Variants in NRXN1 observed in about 807,000 individuals in gnomAD.
NRXN1 encodes the protein neurexin-1.
A neutral mutation model predicts 150.9 loss-of-function variants in NRXN1; 39 were observed. That is an observed-to-expected ratio of 0.26 (90% CI 0.20 to 0.34). NRXN1 has a LOEUF of 0.34. Among genes scored for constraint, NRXN1 ranks in the 10% least tolerant of loss-of-function variants. The pLI is 1.00. For missense variants in NRXN1, 1,815 were observed against 1,949.9 expected, an observed-to-expected ratio of 0.93 and a Z score of 1.30; for synonymous variants, 924 against 757.0, an observed-to-expected ratio of 1.22 and a Z score of -3.62.
chr2:49,986,350 A>C (rs928312966), intron 21 of NRXN1, among the ~76,000 whole-genome samples: 1 of 152,248 alleles, frequency 6.6e-6, no homozygotes, highest in African/African-American at 2.4e-5. Flanking sequence ...TAAATATTTA[A>C]CTGATTTAAA....
At chr2:50,852,654 T>A (rs1674688236) in intron 5 of NRXN1, among the ~76,000 whole-genome samples, 1 of 152,180 alleles carries the variant, frequency 6.6e-6, no homozygotes, top group African/African-American at 2.4e-5. Flanking sequence ...TCAAATTTAA[T>A]TTCTCATTCA....
intron 8 of NRXN1, among the ~76,000 whole-genome samples, chr2:50,598,329 TTTG>T (rs1356408102): frequency 6.6e-6 from 1 of 152,096 alleles, no homozygotes; most frequent in Non-Finnish European, 1.5e-5. Context: ...AGTTTGCATC[TTTG>T]TTCAGTCTCT....
chr2:50,152,413 T>C (rs1221293811), intron 18 of NRXN1, among the ~76,000 whole-genome samples: 7 of 151,778 alleles, frequency 4.6e-5, no homozygotes, highest in African/African-American at 2.4e-5. Context: ...TTCCATTGTA[T>C]GTATACAGTA....
At chr2:50,499,547 C>CAA (rs200741048) in intron 13 of NRXN1, among the ~76,000 whole-genome samples, 3,760 of 152,206 alleles carry the variant, frequency 0.025, 61 homozygotes, top group Non-Finnish European at 0.037. Flanking sequence ...TGGGGATCTA[C>CAA]TTCTTTGGTA....
chr2:50,416,281 A>G (rs1915170), intron 17 of NRXN1, among the ~76,000 whole-genome samples: 34,059 of 151,938 alleles, frequency 0.22, 4,842 homozygotes, highest in African/African-American at 0.38. Flanking sequence ...AATAAAATAT[A>G]CCAAGAAAGG....
rs35059030 is a variant in NRXN1, at chr2:50,762,122, T to TACAC, written c.833-138511_833-138508dup. On this transcript the variant is annotated intron_variant, in intron 5 of 22. Coordinates refer to ENST00000401669, the MANE Select transcript of NRXN1 (RefSeq NM_001330078.2). ...AAACTCATATATATATATATGTGTA[T>TACAC]ACACACACACACACACACACACACA... Among the ~76,000 whole-genome samples the TACAC allele has an allele frequency of 6.4e-3, 940 of 145,942 alleles. 3 individuals are homozygous for TACAC. Among genetic ancestry groups the TACAC allele is most frequent in the East Asian group, 0.026 (125 of 4,820 alleles).
chr2:50,270,029 A>G (rs1487406512), intron 17 of NRXN1, among the ~76,000 whole-genome samples: 1 of 152,212 alleles, frequency 6.6e-6, no homozygotes, highest in Non-Finnish European at 1.5e-5. Flanking sequence ...TATCTGCATG[A>G]TAACTATCCC....
At chr2:51,012,909 C>G (rs1230748727) in intron 2 of NRXN1, among the ~76,000 whole-genome samples, 1 of 151,736 alleles carries the variant, frequency 6.6e-6, no homozygotes, top group East Asian at 1.9e-4. Context: ...ATTTTTCTGC[C>G]CTCTAATCTC....
At chr2:50,341,397 T>TA (rs71904122) in intron 17 of NRXN1, among the ~76,000 whole-genome samples, 21,581 of 145,028 alleles carry the variant, frequency 0.15, 1,671 homozygotes, top group African/African-American at 0.2. Context: ...AAGTATTTCT[T>TA]AAAAAAAAAA....
intron 5 of NRXN1, among the ~76,000 whole-genome samples, chr2:50,831,952 A>C (rs1383886281): frequency 6.6e-6 from 1 of 152,206 alleles, no homozygotes; most frequent in African/African-American, 2.4e-5. Context: ...GCGGGCAAGC[A>C]AAAAAGAGCA....
At chr2:50,504,140 T>TAAAAAAAAAAAAA (rs70948715) in intron 13 of NRXN1, among the ~76,000 whole-genome samples, 16 of 112,404 alleles carry the variant, frequency 1.4e-4, no homozygotes, top group African/African-American at 4.4e-4. Context: ...ACATGACAAC[T>TAAAAAAAAAAAAA]AAAAAAAAAA....
chr2:50,850,697 A>G (rs1434801002), intron 5 of NRXN1, among the ~76,000 whole-genome samples: 2 of 152,102 alleles, frequency 1.3e-5, no homozygotes, highest in African/African-American at 4.8e-5. Flanking sequence ...TAAGTAAACT[A>G]GTTCACATTC....
At chr2:51,015,706 A>G (rs1668562247) in intron 2 of NRXN1, among the ~76,000 whole-genome samples, 1 of 152,108 alleles carries the variant, frequency 6.6e-6, no homozygotes, top group Non-Finnish European at 1.5e-5. Context: ...ACATTGTGAT[A>G]GAAGAAAGAC....
chr2:50,212,069 G>A (rs1034968206), intron 18 of NRXN1, among the ~76,000 whole-genome samples: 2 of 150,444 alleles, frequency 1.3e-5, no homozygotes, highest in African/African-American at 4.8e-5. Context: ...CACTATTAAA[G>A]TTTCCTGTCC....
intron 17 of NRXN1, among the ~76,000 whole-genome samples, chr2:50,465,079 C>T (rs567539990): frequency 1.2e-4 from 18 of 151,344 alleles, no homozygotes; most frequent in African/African-American, 3.9e-4. Context: ...TTACAGCCCT[C>T]GAGACATAAT....
At chr2:50,264,608 G>A (rs1012208523) in intron 17 of NRXN1, among the ~76,000 whole-genome samples, 1 of 152,004 alleles carries the variant, frequency 6.6e-6, no homozygotes, top group Admixed American at 6.6e-5. Flanking sequence ...AGAGGTGAAT[G>A]AGAAGTAGGC....
intron 5 of NRXN1, among the ~76,000 whole-genome samples, chr2:50,889,940 T>C (rs1191627986): frequency 2.6e-5 from 4 of 151,788 alleles, no homozygotes; most frequent in Admixed American, 1.3e-4. Context: ...AATGCTTATT[T>C]TTCCTAAACA....
At chr2:51,001,245 G>GGGA (rs1700035850) in intron 2 of NRXN1, among the ~76,000 whole-genome samples, 1 of 133,732 alleles carries the variant, frequency 7.5e-6, no homozygotes, top group Non-Finnish European at 1.6e-5. Flanking sequence ...GGGGGGGGGG[G>GGGA]GCGTTTGTCA....
At chr2:50,454,810 C>A (rs1447747602) in intron 17 of NRXN1, among the ~76,000 whole-genome samples, 1 of 151,950 alleles carries the variant, frequency 6.6e-6, no homozygotes, top group Non-Finnish European at 1.5e-5. Flanking sequence ...TAATAAACTA[C>A]AGATGAGAAA....
Sources: allele counts gnomAD v4.1 joint callset (sites outside exome capture counted in the v4.1 genomes callset), GRCh38; gene constraint gnomAD v4.1.1; transcripts MANE v1.5; gene names NCBI Gene and HGNC (gene_info 2026-07-23, HGNC 2026-07-21).